SYTL3: variants seen among roughly 807,000 people sequenced by gnomAD.
SYTL3 encodes synaptotagmin-like protein 3.
A neutral mutation model predicts 82.1 loss-of-function variants in SYTL3; 88 were observed. The observed-to-expected ratio is 1.07, with a 90% CI of 0.90 to 1.28. SYTL3 has a LOEUF of 1.28. Among genes scored for constraint, SYTL3 ranks in the 50% most tolerant of loss-of-function variants. The pLI is 0.00. For synonymous variants in SYTL3, 311 were observed against 289.4 expected, an observed-to-expected ratio of 1.07 and a Z score of -0.76; for missense variants, 831 against 757.6, an observed-to-expected ratio of 1.10 and a Z score of -1.14.
At chr6:158,750,903 C>A (rs183991836) in intron 12 of SYTL3, among the ~76,000 whole-genome samples, 38 of 152,296 alleles carry the variant, frequency 2.5e-4, no homozygotes, top group Admixed American at 1.8e-3. Flanking sequence ...ACAAGCGATT[C>A]TCCTGCCTCA....
intron 11 of SYTL3, among the ~76,000 whole-genome samples, chr6:158,745,025 A>G (rs899060584): frequency 2.0e-5 from 3 of 152,012 alleles, no homozygotes; most frequent in Non-Finnish European, 4.4e-5. Flanking sequence ...TTCCAGTTAG[A>G]CTTTGCCACA....
chr6:158,682,215 A>G (rs1778772018), intron 5 of SYTL3, among the ~76,000 whole-genome samples: 1 of 152,172 alleles, frequency 6.6e-6, no homozygotes, highest in African/African-American at 2.4e-5. Flanking sequence ...CTGGGATTAC[A>G]GGCGTGAGCC....
Position 158,690,703 on chromosome 6 carries a change from T to G in SYTL3, c.394+7714T>G, listed in dbSNP as rs945966035. ...TAAATATTTTGATTTATTTAAAAAT[T>G]TTTCTGATTATAGGCTGGCTTTTTC... On this transcript the variant is annotated intron_variant, in intron 6 of 17. Coordinates refer to ENST00000611299, the MANE Select transcript of SYTL3 (RefSeq NM_001242394.2). 2.0e-5 allele frequency among the ~76,000 whole-genome samples: 3 copies of G among 152,192 alleles called. No homozygotes were observed. In the East Asian group the frequency reaches 5.8e-4, roughly 29 times the overall value.
intron 6 of SYTL3, among the ~76,000 whole-genome samples, chr6:158,700,868 G>A (rs528529547): frequency 2.2e-4 from 33 of 151,756 alleles, no homozygotes; most frequent in Admixed American, 1.1e-3. Flanking sequence ...TGCCCTCCTT[G>A]GCCTCCCAAG....
chr6:158,740,070 C>T (rs1786736474), intron 11 of SYTL3, among the ~76,000 whole-genome samples: 1 of 138,570 alleles, frequency 7.2e-6, no homozygotes, highest in Non-Finnish European at 1.5e-5. Flanking sequence ...GATCTCGGCT[C>T]ACTGCAACAT....
At chr6:158,702,134 C>T (rs1384227819) in intron 6 of SYTL3, among the ~76,000 whole-genome samples, 1 of 151,794 alleles carries the variant, frequency 6.6e-6, no homozygotes, top group African/African-American at 2.4e-5. Flanking sequence ...AGGCACATGC[C>T]ACCATGCCCA....
At position 158,713,671 on chromosome 6, in the gene SYTL3, AGCACCAC is replaced by A; in HGVS notation, c.517-126_517-120del. 4.3e-6 allele frequency: 3 copies of A among 699,434 alleles called. No homozygotes were observed. In the Admixed American group the frequency reaches 6.2e-5, roughly 14 times the overall value. The allele number at this position is 699,434 out of a possible 1,614,324, so 43.3% of individuals were successfully genotyped here. A position where few individuals can be genotyped will look rare whatever the true frequency, so the allele number is the denominator to read the frequency against. ...CACACCCATGCCCACCTGCACCCCC[AGCACCAC>A]GCCCACACTCACTCGCACACACCCA... On this transcript the variant is annotated intron_variant, in intron 8 of 17. Transcript: ENST00000611299.
intron 11 of SYTL3, among the ~76,000 whole-genome samples, chr6:158,738,729 C>A: frequency 6.6e-6 from 1 of 152,228 alleles, no homozygotes; most frequent in East Asian, 1.9e-4. Context: ...GCTATCTCAG[C>A]TCACTGCAAC....
intron 6 of SYTL3, among the ~76,000 whole-genome samples, chr6:158,703,594 C>G (rs1781576418): frequency 6.6e-6 from 1 of 152,174 alleles, no homozygotes. Context: ...CAGGGCAGTG[C>G]TGCTCCAACT....
intron 6 of SYTL3, among the ~76,000 whole-genome samples, chr6:158,700,805 A>G (rs926484477): frequency 1.5e-4 from 23 of 151,994 alleles, no homozygotes; most frequent in African/African-American, 5.3e-4. Context: ...TTTAGTAGAG[A>G]CGGGGTTTCA....
rs143895254 is a variant in SYTL3 at position 158,656,670 on chromosome 6, A to G, written c.-636-4599A>G. 8.3e-3 allele frequency among the ~76,000 whole-genome samples: 1,261 copies of G among 151,918 alleles called. 25 individuals are homozygous for G. The highest frequency in any genetic ancestry group is 0.028 in the African/African-American group (1,177 of 41,448). Reference sequence around the variant, plus strand: ...AACCCGGGAGGTGGAGCTTGCAGTGAGTGGAGATTGTGCCACTGCACTCCA... The same window carrying G: ...AACCCGGGAGGTGGAGCTTGCAGTGGGTGGAGATTGTGCCACTGCACTCCA... On this transcript the variant is annotated intron_variant, in intron 2 of 17. Transcript: ENST00000611299.
intron 11 of SYTL3, among the ~76,000 whole-genome samples, chr6:158,743,598 C>CT (rs397887964): frequency 0.027 from 1,723 of 63,042 alleles, 407 homozygotes; most frequent in African/African-American, 0.057. Flanking sequence ...CCAGTCCAAG[C>CT]TTTTTTTTTT....
At chr6:158,749,389 T>TG (rs1247636482) in intron 12 of SYTL3, among the ~76,000 whole-genome samples, 11 of 51,504 alleles carry the variant, frequency 2.1e-4, no homozygotes, top group African/African-American at 9.4e-4. Flanking sequence ...AGACTCTGTC[T>TG]GAAAAAAAAA....
Position 158,764,676 on chromosome 6 carries a change from G to A in SYTL3, c.*72G>A. ...GCGTCTGCAGAGGGGCTACGAACCA[G>A]GTGCAGGGTCCCAGCTGGAGACCCC... On this transcript the variant is annotated 3_prime_UTR_variant, in exon 18 of 18. Coordinates refer to ENST00000611299, the MANE Select transcript of SYTL3 (RefSeq NM_001242394.2). 1.8e-6 allele frequency: 2 copies of A among 1,118,188 alleles called. No homozygotes were observed. The highest frequency in any genetic ancestry group is 2.7e-6 in the Non-Finnish European group (2 of 733,686). 69.3% of individuals were successfully genotyped at this position (1,118,188 alleles called of 1,614,324 possible).
At chr6:158,695,175 G>A (rs1043851357) in intron 6 of SYTL3, among the ~76,000 whole-genome samples, 4 of 152,074 alleles carry the variant, frequency 2.6e-5, no homozygotes, top group Non-Finnish European at 4.4e-5. Flanking sequence ...GAGACCTTAC[G>A]GCTGGCAAAG....
intron 11 of SYTL3, chr6:158,725,899 T>C (rs17584889): frequency 0.2 from 141,184 of 691,974 alleles, 16,858 homozygotes; most frequent in Non-Finnish European, 0.25. Flanking sequence ...CAGTGCTCTG[T>C]AGCTTTCTAT....
chr6:158,764,680 C>A lies in SYTL3; in HGVS notation c.*76C>A. 1.9e-6 allele frequency: 2 copies of A among 1,069,022 alleles called. No individual in the cohort carries two copies. The highest frequency in any genetic ancestry group is 2.9e-6 in the Non-Finnish European group (2 of 691,424). 66.2% of individuals were successfully genotyped at this position (1,069,022 alleles called of 1,614,324 possible). A position where few individuals can be genotyped will look rare whatever the true frequency, so the allele number is the denominator to read the frequency against. ...CTGCAGAGGGGCTACGAACCAGGTG[C>A]AGGGTCCCAGCTGGAGACCCCTTTG... On this transcript the variant is annotated 3_prime_UTR_variant, in exon 18 of 18. Coordinates refer to ENST00000611299, the MANE Select transcript of SYTL3 (RefSeq NM_001242394.2).
At chr6:158,681,633 G>C (rs1173454752) in intron 5 of SYTL3, among the ~76,000 whole-genome samples, 1 of 152,120 alleles carries the variant, frequency 6.6e-6, no homozygotes, top group Admixed American at 6.5e-5. Flanking sequence ...ACTTGAGATC[G>C]TGCCACTGCA....
chr6:158,674,511 T>A (rs925423525), intron 5 of SYTL3, among the ~76,000 whole-genome samples: 17 of 152,224 alleles, frequency 1.1e-4, no homozygotes, highest in Non-Finnish European at 2.4e-4. Context: ...TCGGAAGCTC[T>A]TGGTTGTCTC....
Sources: allele counts gnomAD v4.1 joint callset (sites outside exome capture counted in the v4.1 genomes callset), GRCh38; gene constraint gnomAD v4.1.1; transcripts MANE v1.5; gene names NCBI Gene and HGNC (gene_info 2026-07-23, HGNC 2026-07-21).